Variants in SUSD4 observed in about 807,000 individuals in gnomAD.
The protein encoded by SUSD4 is sushi domain-containing protein 4.
In SUSD4, 41 loss-of-function variants were observed where a neutral mutation model predicts 50.5. The ratio of observed to expected loss-of-function variants is 0.81; its 90% confidence interval spans 0.63 to 1.05. The LOEUF is 1.05. SUSD4 is among the 50% of genes least tolerant of loss of function. The pLI is 0.00. For missense variants in SUSD4, 580 were observed against 634.7 expected (o/e 0.91, Z 0.93); for synonymous variants, 257 against 257.3 (o/e 1.00, Z 0.01).
rs372326224 is a variant in SUSD4 at position 223,238,450 on chromosome 1, A to C, written c.725-9062T>G. On this transcript the variant is annotated intron_variant, in intron 5 of 8. Transcript: ENST00000366878. Reference sequence around the variant, plus strand: ...TGAAAAGTTAGATTATTGATTTTAGATCTTTCTTCTTTTCTAACAGATGCA... The same window carrying C: ...TGAAAAGTTAGATTATTGATTTTAGCTCTTTCTTCTTTTCTAACAGATGCA... Among the ~76,000 whole-genome samples the C allele has an allele frequency of 2.0e-5, 3 of 151,774 alleles. No homozygotes were observed. In the East Asian group the frequency reaches 5.8e-4, roughly 29 times the overall value.
At chr1:223,315,430 T>A (rs1338563509) in intron 2 of SUSD4, among the ~76,000 whole-genome samples, 1 of 152,192 alleles carries the variant, frequency 6.6e-6, no homozygotes, top group Non-Finnish European at 1.5e-5. Context: ...GCTTTTCAGG[T>A]TTTTGCATTT....
chr1:223,319,588 AG>A, intron 2 of SUSD4, among the ~76,000 whole-genome samples: 1 of 152,326 alleles, frequency 6.6e-6, no homozygotes, highest in East Asian at 1.9e-4. Flanking sequence ...ATCTACCCAA[AG>A]GACACACTGA....
At chr1:223,351,100 C>T (rs1237648134) in intron 2 of SUSD4, among the ~76,000 whole-genome samples, 1 of 152,176 alleles carries the variant, frequency 6.6e-6, no homozygotes, top group Non-Finnish European at 1.5e-5. Context: ...ACTATTATCC[C>T]CCATCTTACA....
intron 2 of SUSD4, among the ~76,000 whole-genome samples, chr1:223,308,013 T>C (rs919464595): frequency 2.0e-5 from 3 of 151,964 alleles, no homozygotes; most frequent in African/African-American, 7.3e-5. Flanking sequence ...ATCCTTTATC[T>C]GAATATAGTG....
At chr1:223,343,336 T>C (rs971367734) in intron 2 of SUSD4, among the ~76,000 whole-genome samples, 6 of 152,230 alleles carry the variant, frequency 3.9e-5, no homozygotes, top group Admixed American at 3.9e-4. Context: ...GCTAAGTTGC[T>C]TTCCTTCATG....
intron 3 of SUSD4, among the ~76,000 whole-genome samples, chr1:223,274,296 C>T (rs560521703): frequency 1.5e-4 from 23 of 152,184 alleles, no homozygotes; most frequent in African/African-American, 4.3e-4. Context: ...GCAGAGAAAA[C>T]GAGGGGCAAA....
chr1:223,354,004 C>T (rs1668515093), intron 2 of SUSD4, among the ~76,000 whole-genome samples: 1 of 151,568 alleles, frequency 6.6e-6, no homozygotes, highest in African/African-American at 2.4e-5. Flanking sequence ...GCACTCCAGC[C>T]TGGGCAACAA....
chr1:223,352,814 C>T (rs1262221391), intron 2 of SUSD4, among the ~76,000 whole-genome samples: 2 of 152,066 alleles, frequency 1.3e-5, no homozygotes, highest in African/African-American at 2.4e-5. Flanking sequence ...CCCAGTTCAC[C>T]CCACTGTCCT....
At chr1:223,224,862 C>CTTCTTTTTTTTTTTTTTTT (rs1239409764) in intron 7 of SUSD4, among the ~76,000 whole-genome samples, 3 of 59,234 alleles carry the variant, frequency 5.1e-5, no homozygotes, top group African/African-American at 2.2e-4. Context: ...TGGTTTCTTC[C>CTTCTTTTTTTTTTTTTTTT]TTTTTTTTTT....
intron 6 of SUSD4, among the ~76,000 whole-genome samples, chr1:223,228,138 A>G (rs1468418521): frequency 6.6e-6 from 1 of 152,200 alleles, no homozygotes; most frequent in South Asian, 2.1e-4. Context: ...GTTCTGGGAT[A>G]TGCTGTGGGG....
At chr1:223,311,420 G>A (rs1665868106) in intron 2 of SUSD4, among the ~76,000 whole-genome samples, 1 of 152,186 alleles carries the variant, frequency 6.6e-6, no homozygotes, top group African/African-American at 2.4e-5. Flanking sequence ...GGCAGCCTGT[G>A]CTGCTGCTGA....
At chr1:223,359,046 A>C (rs1205085787) in intron 2 of SUSD4, 1 of 471,140 alleles carries the variant, frequency 2.1e-6, no homozygotes, top group Admixed American at 2.3e-5. Flanking sequence ...CCAGGAGCTC[A>C]ATTCAGCTGC....
At chr1:223,360,275 C>G (rs918013604) in intron 2 of SUSD4, 1 of 469,894 alleles carries the variant, frequency 2.1e-6, no homozygotes, top group Non-Finnish European at 4.4e-6. Flanking sequence ...GCACTCTGGG[C>G]ATCCCTCAAA....
intron 2 of SUSD4, among the ~76,000 whole-genome samples, chr1:223,333,682 G>C (rs74436154): frequency 6.6e-6 from 1 of 152,120 alleles, no homozygotes; most frequent in South Asian, 2.1e-4. Context: ...TCCCAGAAAC[G>C]CTGGGGAATT....
intron 5 of SUSD4, among the ~76,000 whole-genome samples, chr1:223,243,872 T>C (rs2103027498): frequency 6.6e-6 from 1 of 152,348 alleles, no homozygotes; most frequent in Admixed American, 6.5e-5. Context: ...GACTATTATG[T>C]TTGGACAATC....
chr1:223,354,966 CT>C (rs913098308), intron 2 of SUSD4, among the ~76,000 whole-genome samples: 5 of 151,134 alleles, frequency 3.3e-5, no homozygotes, highest in African/African-American at 1.2e-4. Context: ...TTCTTTCTTT[CT>C]TTTTTTTTGA....
At chr1:223,313,146 C>CT (rs1489602819) in intron 2 of SUSD4, among the ~76,000 whole-genome samples, 3 of 152,158 alleles carry the variant, frequency 2.0e-5, no homozygotes, top group African/African-American at 4.8e-5. Context: ...AAAGAGGTGA[C>CT]TCAGGATGGG....
intron 3 of SUSD4, among the ~76,000 whole-genome samples, chr1:223,285,212 T>C (rs1179140886): frequency 1.3e-5 from 2 of 152,088 alleles, no homozygotes; most frequent in African/African-American, 2.4e-5. Flanking sequence ...TGCAGTCTTG[T>C]TGGGGACAGG....
At position 223,229,399 on chromosome 1, in the gene SUSD4, A is replaced by T; in HGVS notation, c.725-11T>A. ...GAGGTAGTGGACAGACTTGGGCAGT[A>T]GGGGAGAATAAAAGTTTCAGAACCA... is the stretch of plus-strand genomic sequence containing the variant. On this transcript the variant is annotated splice_polypyrimidine_tract_variant and intron_variant, in intron 5 of 8. Coordinates refer to ENST00000366878, the MANE Select transcript of SUSD4 (RefSeq NM_017982.4). This position sits in a 1 kb window ranked among gnomAD's most constrained non-coding sequence, Gnocchi z 4.7. 1 of 1,574,634 alleles carries T rather than the reference A, an allele frequency of 6.4e-7. No individual in the cohort carries two copies. Among genetic ancestry groups the T allele is most frequent in the East Asian group, 2.3e-5 (1 of 43,900 alleles).
Sources: allele counts gnomAD v4.1 joint callset (sites outside exome capture counted in the v4.1 genomes callset), GRCh38; gene constraint gnomAD v4.1.1; non-coding constraint Gnocchi (gnomAD v3.1); transcripts MANE v1.5; gene names NCBI Gene and HGNC (gene_info 2026-07-23, HGNC 2026-07-21).